Variants in DOCK3 observed in about 807,000 individuals in gnomAD.
DOCK3 encodes the protein dedicator of cytokinesis 3, also known as dedicator of cytokinesis protein 3.
A neutral mutation model predicts 265.6 loss-of-function variants in DOCK3; 60 were observed. The ratio of observed to expected loss-of-function variants is 0.23; its 90% CI spans 0.18 to 0.28. The LOEUF (loss-of-function observed/expected upper bound fraction) is 0.28, where lower values mean the gene tolerates loss of function less well. Among genes scored for constraint, DOCK3 ranks in the 10% least tolerant of loss-of-function variants. DOCK3 has a pLI of 1.00. For synonymous variants in DOCK3, 881 were observed against 938.0 expected, an observed-to-expected ratio of 0.94 and a Z score of 1.11; for missense variants, 1,981 against 2,594.3, an observed-to-expected ratio of 0.76 and a Z score of 5.14.
At chr3:51,249,121 C>A (rs1456471916) in intron 22 of DOCK3, among the ~76,000 whole-genome samples, 1 of 150,516 alleles carries the variant, frequency 6.6e-6, no homozygotes, top group East Asian at 2.0e-4. Context: ...AGCCCCCCGC[C>A]AGGCCAGCCG....
chr3:51,136,977 GTAAC>G (rs1244014154), intron 9 of DOCK3, among the ~76,000 whole-genome samples: 1 of 151,800 alleles, frequency 6.6e-6, no homozygotes, highest in Non-Finnish European at 1.5e-5. Context: ...GTATACATAT[GTAAC>G]TAACCTGCAC....
intron 1 of DOCK3, among the ~76,000 whole-genome samples, chr3:50,688,226 G>A (rs1276228848): frequency 1.3e-5 from 2 of 152,170 alleles, no homozygotes; most frequent in African/African-American, 4.8e-5. Flanking sequence ...ATTTGATGAA[G>A]TGGTGGCCTT....
At chr3:50,735,351 G>C (rs2038520928) in intron 1 of DOCK3, among the ~76,000 whole-genome samples, 1 of 151,918 alleles carries the variant, frequency 6.6e-6, no homozygotes, top group South Asian at 2.1e-4. Context: ...CTGTTTATTT[G>C]TTTATTTTTT....
chr3:50,881,359 G>A (rs1433391312), intron 3 of DOCK3: 1 of 152,138 alleles, frequency 6.6e-6, no homozygotes, highest in Non-Finnish European at 1.5e-5. Flanking sequence ...CAGATGACAT[G>A]ATTGTATATT....
chr3:50,853,508 T>G (rs2046436086), intron 3 of DOCK3, among the ~76,000 whole-genome samples: 1 of 152,162 alleles, frequency 6.6e-6, no homozygotes, highest in Non-Finnish European at 1.5e-5. Flanking sequence ...GTTTTCCATC[T>G]TCATGTTACG....
intron 19 of DOCK3, among the ~76,000 whole-genome samples, chr3:51,232,716 T>C (rs1218920574): frequency 6.6e-6 from 1 of 152,230 alleles, no homozygotes; most frequent in East Asian, 1.9e-4. Flanking sequence ...CACTTTTTGA[T>C]GGGATTATTT....
In DOCK3 at chr3:50,869,342, A is replaced by AT. The variant is rs755531254; in HGVS notation, c.163-20636dup. ...TCAATTTTATTTATTTCTGCTGGGAATTTTTTTTTTTTTTTTTTTTTTTTT... is the reference window on the plus strand; with the variant it reads ...TCAATTTTATTTATTTCTGCTGGGAATTTTTTTTTTTTTTTTTTTTTTTTTT... On this transcript the variant is annotated intron_variant, in intron 3 of 52. Coordinates refer to ENST00000266037, the MANE Select transcript of DOCK3 (RefSeq NM_004947.5). Among the ~76,000 whole-genome samples the AT allele has an allele frequency of 2.9e-5, 2 of 70,106 alleles. 1 individual carries two copies. Among genetic ancestry groups the AT allele is most frequent in the Admixed American group, 3.4e-4 (2 of 5,968 alleles). 46.0% of individuals were successfully genotyped at this position (70,106 alleles called of 152,430 possible).
At chr3:50,687,596 C>T (rs983150419) in intron 1 of DOCK3, among the ~76,000 whole-genome samples, 1 of 152,170 alleles carries the variant, frequency 6.6e-6, no homozygotes, top group Non-Finnish European at 1.5e-5. Context: ...GAGCTAAGGG[C>T]ATGTACTTTA....
chr3:50,746,224 A>G (rs948493740), intron 1 of DOCK3, among the ~76,000 whole-genome samples: 3 of 150,364 alleles, frequency 2.0e-5, no homozygotes, highest in Non-Finnish European at 2.9e-5. Context: ...ATTCTGTCTC[A>G]GCTTCCTGAG....
intron 27 of DOCK3, among the ~76,000 whole-genome samples, chr3:51,301,413 C>G (rs1287171393): frequency 6.7e-6 from 1 of 150,332 alleles, no homozygotes; most frequent in African/African-American, 2.4e-5. Flanking sequence ...TCCTTTAGTT[C>G]TGCTCTCATC....
Position 51,064,522 on chromosome 3 carries a change from G to A in DOCK3, c.390G>A (p.Leu130=). The change falls in exon 6 of 53, where the codon CTG becomes CTA. Residue 130 remains leucine, a synonymous_variant. Coordinates refer to ENST00000266037, the MANE Select transcript of DOCK3 (RefSeq NM_004947.5). The part of the protein sequence containing the change: ...NELIDLRRQL[L]SGHLTQDQVR... ...TTATTGACCTGCGAAGGCAGCTACT[G>A]TCTGGTCACCTGACTCAGGATCAGG... is the stretch of plus-strand genomic sequence containing the variant. 2.5e-6 allele frequency: 4 copies of A among 1,614,000 alleles called. No individual in the cohort carries two copies. The highest frequency in any genetic ancestry group is 3.4e-6 in the Non-Finnish European group (4 of 1,179,878).
intron 3 of DOCK3, among the ~76,000 whole-genome samples, chr3:50,876,432 C>T (rs1191692652): frequency 6.6e-6 from 1 of 151,910 alleles, no homozygotes; most frequent in Non-Finnish European, 1.5e-5. Context: ...GTATTTTATT[C>T]AGTATAAATA....
intron 35 of DOCK3, among the ~76,000 whole-genome samples, chr3:51,335,590 G>T (rs769159129): frequency 1.3e-5 from 2 of 152,208 alleles, no homozygotes; most frequent in Non-Finnish European, 2.9e-5. Flanking sequence ...GCCAGCTCCT[G>T]GCAGGTGCAT....
chr3:50,738,323 G>T (rs2038779329), intron 1 of DOCK3, among the ~76,000 whole-genome samples: 1 of 152,150 alleles, frequency 6.6e-6, no homozygotes, highest in South Asian at 2.1e-4. Context: ...ATTGGAGCCT[G>T]AAAGAACAGC....
chr3:50,755,770 C>G (rs1477814107), intron 1 of DOCK3, among the ~76,000 whole-genome samples: 1 of 152,142 alleles, frequency 6.6e-6, no homozygotes, highest in Non-Finnish European at 1.5e-5. Flanking sequence ...AATATATACT[C>G]TTTTGTGTAT....
chr3:51,370,687 C>G (rs1454601555), intron 49 of DOCK3, among the ~76,000 whole-genome samples: 1 of 152,226 alleles, frequency 6.6e-6, no homozygotes, highest in African/African-American at 2.4e-5. Context: ...GGAAATAACT[C>G]ATTTTTACTT....
chr3:50,834,731 A>T (rs1166661542), intron 2 of DOCK3, among the ~76,000 whole-genome samples: 4 of 152,236 alleles, frequency 2.6e-5, no homozygotes. Context: ...CATTTAGCCA[A>T]AATGGTAACT....
At chr3:50,831,915 C>T (rs13099712) in intron 2 of DOCK3, among the ~76,000 whole-genome samples, 14,363 of 152,208 alleles carry the variant, frequency 0.094, 841 homozygotes, top group Non-Finnish European at 0.12. Context: ...TTTTAATGAT[C>T]GCCATTCTAA....
chr3:50,847,280 T>C (rs565125321), intron 3 of DOCK3, among the ~76,000 whole-genome samples: 14 of 152,362 alleles, frequency 9.2e-5, no homozygotes, highest in Non-Finnish European at 1.9e-4. Context: ...ATTATGTGGT[T>C]TTGAGCAATC....
Sources: gnomAD v4.1 joint callset for allele counts (sites outside exome capture counted in the v4.1 genomes callset) on GRCh38, gnomAD v4.1.1 for gene constraint, MANE v1.5 for transcripts, NCBI Gene and HGNC (gene_info 2026-07-23, HGNC 2026-07-21) for gene names.